CDH26: variants seen among roughly 807,000 people sequenced by gnomAD.
CDH26 encodes cadherin-like protein 26.
Under a neutral mutation model 90.3 loss-of-function variants are expected in CDH26, and 83 were observed. The observed-to-expected ratio is 0.92, with a 90% CI of 0.77 to 1.10. CDH26 has a LOEUF of 1.10. Ranked by LOEUF, CDH26 falls within the 50% of genes least tolerant of loss-of-function variation. The pLI is 0.00. For missense variants in CDH26, 1,013 were observed against 1,037.6 expected, an observed-to-expected ratio of 0.98 and a Z score of 0.33; for synonymous variants, 397 against 396.3, an observed-to-expected ratio of 1.00 and a Z score of -0.02.
Position 59,992,398 on chromosome 20 carries a change from C to G in CDH26, c.1304C>G (p.Pro435Arg), listed in dbSNP as rs532484598. The change falls in exon 10 of 18, where the codon CCA (proline) becomes CGA (arginine). Residue 435 changes from proline to arginine, a missense_variant. Physicochemically the swap from Pro to Arg is moderately radical, Grantham distance 103. Coordinates refer to ENST00000348616, the MANE Select transcript of CDH26 (RefSeq NM_177980.4). This position sits in a 1 kb window ranked among gnomAD's most constrained non-coding sequence, Gnocchi z 5.0. ...SQIRYELVHD[P>R]ANWVSVDKNS... ...ACAAGATATGAACTGGTTCATGACC[C>G]AGCAAATTGGGTCAGCGTCGACAAA... 1 of 1,613,984 alleles carries G rather than the reference C, an allele frequency of 6.2e-7. No homozygotes were observed. The highest frequency in any genetic ancestry group is 8.5e-7 in the Non-Finnish European group (1 of 1,179,966).
At chr20:60,023,961 GA>G (rs879898115) in intron 7 of CDH26, among the ~76,000 whole-genome samples, 100 of 40,484 alleles carry the variant, frequency 2.5e-3, no homozygotes, top group Non-Finnish European at 3.4e-3. Flanking sequence ...CTGACAGAGG[GA>G]GAGAGAGAGA....
Position 60,031,279 on chromosome 20 carries a change from C to T in CDH26, c.997C>T (p.Gln333Ter). The T allele has an allele frequency of 7.8e-7, 1 of 1,277,256 alleles. No individual in the cohort carries two copies. The highest frequency in any genetic ancestry group is 1.0e-6 in the Non-Finnish European group (1 of 979,244). The allele number at this position is 1,277,256 out of a possible 1,614,324, so 79.1% of individuals were successfully genotyped here. A position where few individuals can be genotyped will look rare whatever the true frequency, so the allele number is the denominator to read the frequency against. ...CCTCAGCAGGGGCTGCATCATCCCC[C>T]AGGGAAGAGCCACAGCTGGGCGAGG... The change falls in exon 8 of 9, where the codon CAG (glutamine) becomes TAG (stop). Residue 333 changes from glutamine (Q) to a stop codon, truncating the protein, a stop_gained. Transcript: ENST00000370991. LOFTEE classifies it high-confidence loss of function.
rs2061538917 is a variant in CDH26 at position 59,992,428 on chromosome 20, C to T, written c.1334C>T (p.Ser445Phe). The stretch of plus-strand genomic sequence containing the variant: ...AATTGGGTCAGCGTCGACAAAAACT[C>T]CGGAGTGGTCATCACCGTGGAGCCA... ...PANWVSVDKNSGVVITVEPID... is the reference protein window; with the variant it reads ...PANWVSVDKNFGVVITVEPID... Residue 445 changes from serine (S) to phenylalanine (F), a missense_variant, in exon 10 of 18, where the codon TCC becomes TTC. Coordinates refer to ENST00000348616, the MANE Select transcript of CDH26 (RefSeq NM_177980.4). This position sits in a 1 kb window ranked among gnomAD's most constrained non-coding sequence, Gnocchi z 5.0. 6.2e-7 allele frequency: 1 copy of T among 1,613,956 alleles called. No individual in the cohort carries two copies. The highest frequency in any genetic ancestry group is 1.7e-5 in the Admixed American group (1 of 59,986).
Position 59,958,584 on chromosome 20 carries a change from GAAAGCATCTGGGCC to G in CDH26, c.-138_-125del. On this transcript the variant is annotated 5_prime_UTR_variant, in exon 1 of 18. It introduces an in-frame stop codon into an upstream open reading frame of the 5' UTR. Coordinates refer to ENST00000348616, the MANE Select transcript of CDH26 (RefSeq NM_177980.4). ...TGAAAAGGGAGGAGCAAGATGGGATGAAAGCATCTGGGCCAAAGTGACCTGAAAACCTTTAGAGA... is the reference window on the plus strand; with the variant it reads ...TGAAAAGGGAGGAGCAAGATGGGATGAAAGTGACCTGAAAACCTTTAGAGA... The G allele has an allele frequency of 4.1e-6, 3 of 728,618 alleles. No individual in the cohort carries two copies. The highest frequency in any genetic ancestry group is 7.2e-6 in the Non-Finnish European group (3 of 415,044). 45.1% of individuals were successfully genotyped at this position (728,618 alleles called of 1,614,324 possible).
chr20:59,981,623 A>G (rs567714172), intron 4 of CDH26, among the ~76,000 whole-genome samples: 1 of 152,274 alleles, frequency 6.6e-6, no homozygotes, highest in South Asian at 2.1e-4. Flanking sequence ...TCATTTGGTC[A>G]TAATGTACTA....
At chr20:59,985,213 G>T in intron 7 of CDH26, 84 bp downstream of exon 7, 2 of 1,508,168 alleles carry the variant, frequency 1.3e-6, no homozygotes, top group Non-Finnish European at 1.8e-6. Flanking sequence ...CAGAGAGGGT[G>T]TTAGGCTGTT....
rs142537765 is a variant in CDH26, at chr20:59,959,631, C to G, written c.69+836C>G. Among the ~76,000 whole-genome samples the G allele has an allele frequency of 7.2e-3, 1,100 of 152,264 alleles. 14 individuals carry two copies. The highest frequency in any genetic ancestry group is 0.025 in the African/African-American group (1,035 of 41,538). On this transcript the variant is annotated intron_variant, in intron 1 of 17. Coordinates refer to ENST00000348616, the MANE Select transcript of CDH26 (RefSeq NM_177980.4). ...GCCAGGCTGGTCTCAAACTCCTGAC[C>G]TCAAGTGATCTGCCTGCCTCAGCCT...
At chr20:60,012,376 T>C in intron 17 of CDH26, 151 bp from the exon 18 acceptor site, 1 of 664,382 alleles carries the variant, frequency 1.5e-6, no homozygotes, top group Non-Finnish European at 2.5e-6. Context: ...CTGCCACTTC[T>C]GGAACTGTAC....
intron 4 of CDH26, among the ~76,000 whole-genome samples, chr20:59,974,510 C>T (rs912682400): frequency 5.9e-5 from 9 of 152,154 alleles, no homozygotes; most frequent in African/African-American, 2.2e-4. Flanking sequence ...CTTGGTGCAT[C>T]ACAGATAGAT....
At chr20:59,996,458 C>T in intron 12 of CDH26, 173 bp from the exon 13 acceptor site, 1 of 1,602,376 alleles carries the variant, frequency 6.2e-7, no homozygotes, top group Non-Finnish European at 8.5e-7. Flanking sequence ...AGTTATGTAG[C>T]ATCTACTGGT....
chr20:59,996,890 G>C, intron 13 of CDH26, 129 bp downstream of exon 13: 1 of 1,232,796 alleles, frequency 8.1e-7, no homozygotes, highest in East Asian at 2.3e-5. Flanking sequence ...AGTAGCAAGT[G>C]GGAAAAAATT....
In CDH26 at chr20:60,001,313, C is replaced by G. The variant is rs1555900361; in HGVS notation, c.2098-30C>G. On this transcript the variant is annotated intron_variant, in intron 14 of 17. Transcript: ENST00000348616. ...TTCCAGCTGGAGAGAAATCCATTCTCTTTTGAGTAAATCAGCATTTTCCCT... is the reference window on the plus strand; with the variant it reads ...TTCCAGCTGGAGAGAAATCCATTCTGTTTTGAGTAAATCAGCATTTTCCCT... 36 of 1,613,458 alleles carry G rather than the reference C, an allele frequency of 2.2e-5. 1 individual carries two copies. In the South Asian group the frequency reaches 4.0e-4, roughly 18 times the overall value.
chr20:59,994,224 C>T (rs2061562446), intron 10 of CDH26, 26 bp from the exon 11 acceptor site: 3 of 1,613,408 alleles, frequency 1.9e-6, no homozygotes, highest in East Asian at 2.2e-5. Flanking sequence ...AGATAAACAA[C>T]TCCTGAAACT....
chr20:59,989,004 G>A lies in CDH26; in HGVS notation c.1124G>A (p.Arg375Lys), dbSNP rs552113473. The A allele has an allele frequency of 1.9e-4, 299 of 1,614,220 alleles. 8 individuals are homozygous for A. The South Asian group carries it at 3.1e-3, about 17-fold the overall frequency. Residue 375 changes from arginine to lysine, a missense_variant, in exon 9 of 18, where the codon AGG (arginine) becomes AAG (lysine). Transcript: ENST00000348616. Reference sequence around the variant, plus strand: ...GAGAGAGGAAAGCTTCAGCCGCCAAGGAAGGCAGCAGCCAGCGCCACTGTG... The same window carrying A: ...GAGAGAGGAAAGCTTCAGCCGCCAAAGAAGGCAGCAGCCAGCGCCACTGTG... ...FCERGKLQPPRKAAASATVSV... is the reference protein window; with the variant it reads ...FCERGKLQPPKKAAASATVSV...
At chr20:59,996,267 T>C in intron 12 of CDH26, 1 of 1,166,212 alleles carries the variant, frequency 8.6e-7, no homozygotes, top group Non-Finnish European at 1.2e-6. Flanking sequence ...CAGCTTCTAC[T>C]CACAATGGAA....
chr20:59,983,889 C>T (rs1008466185), intron 5 of CDH26, among the ~76,000 whole-genome samples: 1 of 152,048 alleles, frequency 6.6e-6, no homozygotes, highest in African/African-American at 2.4e-5. Flanking sequence ...TTCTAAAATA[C>T]CCTGTTGTGT....
chr20:60,012,176 CG>C (rs1197719800), intron 17 of CDH26, among the ~76,000 whole-genome samples: 1 of 151,444 alleles, frequency 6.6e-6, no homozygotes, highest in Admixed American at 6.6e-5. Context: ...AAACGAGGGC[CG>C]GGGGGTCATG....
chr20:59,983,063 A>G lies in CDH26; in HGVS notation c.534A>G (p.Gln178=), dbSNP rs759434375. ...TTAACATCACTGTGCAAGAAAACCA[A>G]TCTGCAGGTGTGTGCGGCTGGGGGG... ...KEFNITVQEN[Q]SAGQPIFQML... The change falls in exon 5 of 18, where the codon CAA becomes CAG. Residue 178 remains glutamine (Q), a synonymous_variant. Coordinates refer to ENST00000348616, the MANE Select transcript of CDH26 (RefSeq NM_177980.4). 1.1e-5 allele frequency: 18 copies of G among 1,613,924 alleles called. No individual in the cohort carries two copies. Among genetic ancestry groups the G allele is most frequent in the South Asian group, 3.3e-5 (3 of 91,066 alleles).
intron 7 of CDH26, among the ~76,000 whole-genome samples, chr20:60,024,047 G>A (rs527401699): frequency 7.2e-5 from 11 of 152,264 alleles, no homozygotes; most frequent in South Asian, 4.1e-4. Context: ...CATTAAAAAC[G>A]TGTCTTCACA....
Sources: allele counts gnomAD v4.1 joint callset (sites outside exome capture counted in the v4.1 genomes callset), GRCh38; gene constraint gnomAD v4.1.1; non-coding constraint Gnocchi (gnomAD v3.1); transcripts MANE v1.5; gene names NCBI Gene and HGNC (gene_info 2026-07-23, HGNC 2026-07-21).